SMC4: variants seen among roughly 807,000 people sequenced by gnomAD.
SMC4 encodes the protein structural maintenance of chromosomes 4.
SMC4 carries 87 observed loss-of-function variants against 145.6 expected under a neutral mutation model. That is an observed-to-expected ratio of 0.60 (90% confidence interval 0.50 to 0.71). The LOEUF is 0.71. Ranked by LOEUF, SMC4 falls within the 30% of genes least tolerant of loss-of-function variation. The pLI is 0.00. For missense variants in SMC4, 1,447 were observed against 1,537.1 expected, an observed-to-expected ratio of 0.94 and a Z score of 0.98; for synonymous variants, 558 against 500.7, an observed-to-expected ratio of 1.11 and a Z score of -1.53.
At position 160,432,446 on chromosome 3, in the gene SMC4, C is replaced by T; in HGVS notation, c.3461C>T (p.Thr1154Ile). ...NKLKENYQML[T>I]LGGDAELELV... ...TTAAAGGAAAATTACCAAATGCTTA[C>T]TTTGGGAGGGGACGCCGAACTCGAG... The change falls in exon 22 of 24, where the codon ACT becomes ATT. Residue 1154 changes from threonine to isoleucine, a missense_variant. By Grantham distance (89) the Thr-to-Ile change is moderately conservative. Transcript: ENST00000357388. The T allele has an allele frequency of 6.2e-7, 1 of 1,613,134 alleles. No homozygotes were observed. Among genetic ancestry groups the T allele is most frequent in the Non-Finnish European group, 8.5e-7 (1 of 1,179,556 alleles).
rs754698037 is a variant in SMC4 at position 160,416,331 on chromosome 3, G to A, written c.1353G>A (p.Lys451=). 1.2e-6 allele frequency: 2 copies of A among 1,602,148 alleles called. No individual in the cohort carries two copies. Among genetic ancestry groups the A allele is most frequent in the African/African-American group, 2.7e-5 (2 of 73,656 alleles). Residue 451 remains lysine, a synonymous_variant, in exon 10 of 24, where the codon AAG becomes AAA. Transcript: ENST00000357388. The stretch of plus-strand genomic sequence containing the variant: ...CAACCAGAAACAATGCCCTCGAGAA[G>A]GAAAAAGAGAAAGAAGAAAAAAAAT... ...ETTTRNNALE[K]EKEKEEKKLK... is the part of the protein sequence containing the mutation.
At position 160,428,782 on chromosome 3, in the gene SMC4, A is replaced by G; in HGVS notation, c.2635A>G (p.Lys879Glu). 1 of 1,589,856 alleles carries G rather than the reference A, an allele frequency of 6.3e-7. No homozygotes were observed. Among genetic ancestry groups the G allele is most frequent in the Non-Finnish European group, 8.5e-7 (1 of 1,174,298 alleles). ...TGATGCTGTGGCTGAGAAAGCTGGT[A>G]AAGTAGAAGCTGAGGTTAAACGCTT... ...EYDAVAEKAG[K>E]VEAEVKRLHN... is the part of the protein sequence containing the mutation. The change falls in exon 18 of 24, where the codon AAA becomes GAA. Residue 879 changes from lysine to glutamate, a missense_variant. Transcript: ENST00000357388.
Position 160,400,826 on chromosome 3 carries a change from C to G in SMC4, c.-1C>G, listed in dbSNP as rs376714381. ...CCGGCTGTCCCCCGGCCCCAGCGAC[C>G]ATGCCCCGTAAAGGCACCCAGCCCT... On this transcript the variant is annotated 5_prime_UTR_variant, in exon 2 of 24. Transcript: ENST00000357388. 3.3e-6 allele frequency: 5 copies of G among 1,535,110 alleles called. No homozygotes were observed. Among genetic ancestry groups the G allele is most frequent in the African/African-American group, 1.4e-5 (1 of 69,710 alleles).
rs769918940 is a variant in SMC4, at chr3:160,417,861, G to C, written c.1576G>C (p.Ala526Pro). ...GTCTCAATTAACTAAGGCTAAGGAA[G>C]CTCTAATTGCAGCTTCTGAGACTCT... ...AVSQLTKAKE[A>P]LIAASETLKE... The change falls in exon 11 of 24, where the codon GCT (alanine) becomes CCT (proline). Residue 526 changes from alanine (A) to proline (P), a missense_variant. Coordinates refer to ENST00000357388, the MANE Select transcript of SMC4 (RefSeq NM_001002800.3). 2 of 1,613,702 alleles carry C rather than the reference G, an allele frequency of 1.2e-6. No individual in the cohort carries two copies. The highest frequency in any genetic ancestry group is 1.7e-6 in the Non-Finnish European group (2 of 1,179,810).
intron 12 of SMC4, 59 bp downstream of exon 12, chr3:160,419,602 A>AT: frequency 2.0e-6 from 3 of 1,503,606 alleles, no homozygotes; most frequent in Non-Finnish European, 2.7e-6. Context: ...AGTGTAACTT[A>AT]TTTTTTTGCC....
At chr3:160,399,895 CCCCCCTCGGCCGCT>C (rs886959795) in intron 1 of SMC4, 146 bp downstream of exon 1, 6 of 152,072 alleles carry the variant, frequency 3.9e-5, no homozygotes, top group African/African-American at 1.2e-4. Flanking sequence ...TGTCACCCCT[CCCCCCTCGGCCGCT>C]CCCCGGCGGC....
In SMC4 at chr3:160,430,511, A is replaced by C. The variant is rs868823508; in HGVS notation, c.2796-88A>C. ...ATATGAATAGAAAAAATGTCACATT[A>C]AATTTCATGAAAAGTTCTTTAGTAG... On this transcript the variant is annotated intron_variant, in intron 18 of 23. Transcript: ENST00000357388. 67 of 1,140,258 alleles carry C rather than the reference A, an allele frequency of 5.9e-5. No individual in the cohort carries two copies. The Middle Eastern group carries it at 1.4e-3, about 24-fold the overall frequency. The allele number at this position is 1,140,258 out of a possible 1,614,324, so 70.6% of individuals were successfully genotyped here.
At chr3:160,416,592 G>A (rs1716621450) in intron 10 of SMC4, 177 bp downstream of exon 10, 1 of 378,778 alleles carries the variant, frequency 2.6e-6, no homozygotes, top group Admixed American at 4.3e-5. Flanking sequence ...CTGCTGACAT[G>A]TTTTTTAAAA....
intron 1 of SMC4, chr3:160,400,514 C>T (rs1247208293): frequency 1.4e-5 from 4 of 289,288 alleles, no homozygotes; most frequent in Admixed American, 1.1e-4. Context: ...GAATATTATA[C>T]GCTTATACTA....
chr3:160,410,869 A>G (rs565387808), intron 5 of SMC4, among the ~76,000 whole-genome samples: 44 of 152,318 alleles, frequency 2.9e-4, no homozygotes, highest in African/African-American at 1.1e-3. Context: ...ACAATATACT[A>G]TTTTTAATGT....
At chr3:160,416,454 T>A in intron 10 of SMC4, 39 bp downstream of exon 10, 2 of 248,946 alleles carry the variant, frequency 8.0e-6, no homozygotes, top group Non-Finnish European at 6.4e-6. Flanking sequence ...TTTTGGTGGC[T>A]TTTTTTTTTT....
rs1718818842 is a variant in SMC4 at position 160,434,853 on chromosome 3, T to C, written c.*1044T>C. 6.6e-6 allele frequency: 1 copy of C among 152,190 alleles called. No individual in the cohort carries two copies. The highest frequency in any genetic ancestry group is 2.4e-5 in the African/African-American group (1 of 41,446). The allele number at this position is 152,190 out of a possible 1,614,324, so 9.4% of individuals were successfully genotyped here. A position where few individuals can be genotyped will look rare whatever the true frequency, so the allele number is the denominator to read the frequency against. On this transcript the variant is annotated 3_prime_UTR_variant, in exon 24 of 24. Transcript: ENST00000357388. ...TTCCTTTCTTCAGTGGGCCATTGTT[T>C]TAGATATTTAAAAAATCCAACAGTT...
chr3:160,414,943 T>C (rs1383705605), intron 9 of SMC4, among the ~76,000 whole-genome samples: 12 of 152,240 alleles, frequency 7.9e-5, no homozygotes, highest in Admixed American at 7.9e-4. Flanking sequence ...AGTTCCATTT[T>C]GGTGTTAATT....
At chr3:160,428,691 T>G in intron 17 of SMC4, 62 bp from the exon 18 acceptor site, 1 of 1,450,902 alleles carries the variant, frequency 6.9e-7, no homozygotes, top group Non-Finnish European at 9.3e-7. Flanking sequence ...GAAATGTACA[T>G]CTAACAAATG....
At chr3:160,399,924 GCT>G (rs1253169832) in intron 1 of SMC4, 175 bp downstream of exon 1, 1 of 151,996 alleles carries the variant, frequency 6.6e-6, no homozygotes, top group Non-Finnish European at 1.5e-5. Flanking sequence ...GGCGGCCCGG[GCT>G]CCCGCGCGCA....
chr3:160,419,642 TATAAA>T, intron 12 of SMC4, 99 bp downstream of exon 12: 1 of 1,080,086 alleles, frequency 9.3e-7, no homozygotes. Flanking sequence ...TGTCACTGTA[TATAAA>T]ATAAGATTCA....
intron 18 of SMC4, 148 bp downstream of exon 18, chr3:160,429,090 CG>C (rs1718099218): frequency 6.2e-6 from 4 of 646,924 alleles, no homozygotes; most frequent in Non-Finnish European, 1.0e-5. Flanking sequence ...ACTTCCATGA[CG>C]GAAAACCTAT....
At position 160,417,848 on chromosome 3, in the gene SMC4, T is replaced by G; in HGVS notation, c.1563T>G (p.Thr521=). The G allele has an allele frequency of 6.2e-7, 1 of 1,613,750 alleles. No homozygotes were observed. Among genetic ancestry groups the G allele is most frequent in the Non-Finnish European group, 8.5e-7 (1 of 1,179,808 alleles). ...SRHNTAVSQL[T]KAKEALIAAS... Reference sequence around the variant, plus strand: ...ATAATACTGCAGTGTCTCAATTAACTAAGGCTAAGGAAGCTCTAATTGCAG... The same window carrying G: ...ATAATACTGCAGTGTCTCAATTAACGAAGGCTAAGGAAGCTCTAATTGCAG... The change falls in exon 11 of 24, where the codon ACT becomes ACG. Residue 521 remains threonine, a synonymous_variant. Coordinates refer to ENST00000357388, the MANE Select transcript of SMC4 (RefSeq NM_001002800.3).
intron 16 of SMC4, 141 bp downstream of exon 16, chr3:160,425,160 T>C: frequency 6.2e-6 from 8 of 1,286,720 alleles, no homozygotes; most frequent in Non-Finnish European, 8.3e-6. Context: ...GATATAACTC[T>C]TGATGATTTT....
Sources: allele counts gnomAD v4.1 joint callset (sites outside exome capture counted in the v4.1 genomes callset), GRCh38; gene constraint gnomAD v4.1.1; transcripts MANE v1.5; gene names NCBI Gene and HGNC (gene_info 2026-07-23, HGNC 2026-07-21).